Variants in CACNA1B observed in about 807,000 individuals in gnomAD.
The protein encoded by CACNA1B is calcium voltage-gated channel subunit alpha1 B.
In CACNA1B, 70 loss-of-function variants were observed where a neutral mutation model predicts 247.2. The ratio of observed to expected loss-of-function variants is 0.28; its 90% CI spans 0.23 to 0.35. The LOEUF is 0.35. Ranked by LOEUF, CACNA1B falls within the 10% of genes least tolerant of loss-of-function variation. The pLI is 1.00. For synonymous variants in CACNA1B, 1,231 were observed against 1,294.4 expected, an observed-to-expected ratio of 0.95 and a Z score of 1.05; for missense variants, 2,367 against 3,197.4, an observed-to-expected ratio of 0.74 and a Z score of 6.26.
chr9:137,978,153 T>C (rs2133373594), intron 12 of CACNA1B, among the ~76,000 whole-genome samples: 4 of 99,540 alleles, frequency 4.0e-5, no homozygotes, highest in South Asian at 3.6e-4. Flanking sequence ...GTGGGAGCAC[T>C]ACTTCCCCCC....
In CACNA1B at chr9:138,050,447, T is replaced by G. The variant is rs1003660054; in HGVS notation, c.3710+1132T>G. 6.6e-6 allele frequency among the ~76,000 whole-genome samples: 1 copy of G among 152,216 alleles called. No homozygotes were observed. ...CGGGGACATCGCGAGGCGCTCCCGG[T>G]GCAGCTCCTCTCTGGAAGAGCGGCA... On this transcript the variant is annotated intron_variant, in intron 24 of 46. Coordinates refer to ENST00000371372, the MANE Select transcript of CACNA1B (RefSeq NM_000718.4). This position sits in a 1 kb window ranked among gnomAD's most constrained non-coding sequence, Gnocchi z 5.2.
At chr9:137,997,890 C>T (rs555448677) in intron 15 of CACNA1B, among the ~76,000 whole-genome samples, 1 of 152,310 alleles carries the variant, frequency 6.6e-6, no homozygotes, top group Non-Finnish European at 1.5e-5. Flanking sequence ...CCTGCATGTT[C>T]ACCATCAGGG....
intron 18 of CACNA1B, chr9:138,017,106 C>G (rs146187189): frequency 2.5e-5 from 13 of 518,406 alleles, no homozygotes; most frequent in Admixed American, 1.9e-4. Context: ...CTGGTTTTCT[C>G]ACTTCTGTCT....
At chr9:138,120,473 A>G (rs528236916) in intron 45 of CACNA1B, 101 bp downstream of exon 45, 319 of 1,396,776 alleles carry the variant, frequency 2.3e-4, no homozygotes, top group Non-Finnish European at 2.7e-4. Flanking sequence ...GGGCCTCGTG[A>G]CCCCATAACC....
chr9:138,120,300 T>C lies in CACNA1B; in HGVS notation c.6166T>C (p.Cys2056Arg), dbSNP rs1384904827. 2.6e-6 allele frequency: 4 copies of C among 1,563,660 alleles called. No individual in the cohort carries two copies. The highest frequency in any genetic ancestry group is 3.5e-6 in the Non-Finnish European group (4 of 1,157,096). ...GTCGTCGCACCACCACCACCACCGC[T>C]GCCACCGCCGCAGGGACAGGAAGCA... ...QASSHHHHHR[C>R]HRRRDRKQRS... Residue 2056 changes from cysteine (C) to arginine (R), a missense_variant, in exon 45 of 47, where the codon TGC becomes CGC. Cys to Arg is a radical substitution (Grantham distance 180). This residue lies in a region of CACNA1B where 773 missense variants were observed against 779.4 expected (regional missense o/e 0.99). Transcript: ENST00000371372.
At chr9:138,033,611 G>A (rs1240873334) in intron 20 of CACNA1B, among the ~76,000 whole-genome samples, 3 of 152,118 alleles carry the variant, frequency 2.0e-5, no homozygotes, top group Non-Finnish European at 4.4e-5. Flanking sequence ...CCTGAGACCA[G>A]GTAATTTATA....
intron 23 of CACNA1B, 21 bp downstream of exon 23, chr9:138,047,479 T>C (rs1307840751): frequency 1.3e-6 from 2 of 1,581,994 alleles, no homozygotes. Context: ...TGGCTGCCCT[T>C]GTGACCCCAG....
Position 137,959,292 on chromosome 9 carries a change from C to T in CACNA1B, c.1333+1605C>T, listed in dbSNP as rs113736400. Among the ~76,000 whole-genome samples, 1,215 of 152,252 alleles carry T rather than the reference C, an allele frequency of 8.0e-3. 6 individuals are homozygous for T. The highest frequency in any genetic ancestry group is 0.012 in the South Asian group (59 of 4,822). On this transcript the variant is annotated intron_variant, in intron 10 of 46. Transcript: ENST00000371372. ...TTCACCGTGTTGGCCTGGCTGTTCT[C>T]GAACTCCTGACCTCAGGTGATCTAC...
chr9:138,022,266 C>T (rs1170564400), intron 18 of CACNA1B, among the ~76,000 whole-genome samples: 3 of 152,150 alleles, frequency 2.0e-5, no homozygotes, highest in Admixed American at 1.3e-4. Flanking sequence ...TTGGTGGCCA[C>T]GGGAGGTGGC....
rs1222480441 is a variant in CACNA1B at position 137,990,385 on chromosome 9, A to G, written c.1974+3531A>G. Among the ~76,000 whole-genome samples, 1 of 152,004 alleles carries G rather than the reference A, an allele frequency of 6.6e-6. No individual in the cohort carries two copies. The highest frequency in any genetic ancestry group is 1.5e-5 in the Non-Finnish European group (1 of 67,990). ...TCTCTACCCACCCTGATGGCCGAAG[A>G]CAAAGGTTATAATCTCCTGGGGGCT... On this transcript the variant is annotated intron_variant, in intron 15 of 46. Transcript: ENST00000371372. This position sits in a 1 kb window ranked among gnomAD's most constrained non-coding sequence, Gnocchi z 4.5.
chr9:138,117,622 G>A (rs935826062), intron 42 of CACNA1B, among the ~76,000 whole-genome samples: 4 of 152,312 alleles, frequency 2.6e-5, no homozygotes, highest in African/African-American at 4.8e-5. Context: ...AGCGGGTGAC[G>A]GACCCAGGCC....
At chr9:138,112,614 G>C in intron 40 of CACNA1B, 109 bp downstream of exon 40, 2 of 730,048 alleles carry the variant, frequency 2.7e-6, no homozygotes, top group Non-Finnish European at 4.9e-6. Flanking sequence ...GGCCACCTTG[G>C]AGAGGTGGGC....
Position 138,100,996 on chromosome 9 carries a change from C to T in CACNA1B, c.5223-1715C>T, listed in dbSNP as rs1014054261. On this transcript the variant is annotated intron_variant, in intron 37 of 46. Transcript: ENST00000371372. The surrounding 1 kb of genome is among the most constrained non-coding windows in gnomAD (Gnocchi z 4.6). ...ACCTGTCCAGTGCACCCCTCACCTCCGCCGCCACGCCTGCGCGAGGTCGGT... is the reference window on the plus strand; with the variant it reads ...ACCTGTCCAGTGCACCCCTCACCTCTGCCGCCACGCCTGCGCGAGGTCGGT... 9.1e-6 allele frequency: 4 copies of T among 438,450 alleles called. No individual in the cohort carries two copies. The highest frequency in any genetic ancestry group is 2.0e-5 in the African/African-American group (1 of 49,748). The allele number at this position is 438,450 out of a possible 1,614,324, so 27.2% of individuals were successfully genotyped here. A position where few individuals can be genotyped will look rare whatever the true frequency, so the allele number is the denominator to read the frequency against.
At position 137,913,589 on chromosome 9, in the gene CACNA1B, T is replaced by C. The variant is rs1201534999; in HGVS notation, c.622+318T>C. Reference sequence around the variant, plus strand: ...TGAGGGTAAAGAATGGATGAGAGGTTGACCAAGGTGGTGGGGAAGGATGCC... The same window carrying C: ...TGAGGGTAAAGAATGGATGAGAGGTCGACCAAGGTGGTGGGGAAGGATGCC... On this transcript the variant is annotated intron_variant, in intron 4 of 46. Transcript: ENST00000371372. This position sits in a 1 kb window ranked among gnomAD's most constrained non-coding sequence, Gnocchi z 5.2. Among the ~76,000 whole-genome samples, 3 of 152,210 alleles carry C rather than the reference T, an allele frequency of 2.0e-5. No individual in the cohort carries two copies. The highest frequency in any genetic ancestry group is 7.2e-5 in the African/African-American group (3 of 41,454).
At position 138,058,944 on chromosome 9, in the gene CACNA1B, G is replaced by T. The variant is rs1453105475; in HGVS notation, c.4474-135G>T. ...TGGGGAGGTTCTGGGAGGACTCGGG[G>T]AGAGCAGGAAGGGGTGTCCCAGGCC... On this transcript the variant is annotated intron_variant, in intron 29 of 46. Coordinates refer to ENST00000371372, the MANE Select transcript of CACNA1B (RefSeq NM_000718.4). This position sits in a 1 kb window ranked among gnomAD's most constrained non-coding sequence, Gnocchi z 4.7. The T allele has an allele frequency of 1.5e-5, 11 of 713,770 alleles. No homozygotes were observed. The East Asian group carries it at 3.0e-4, about 19-fold the overall frequency. The allele number at this position is 713,770 out of a possible 1,614,324, so 44.2% of individuals were successfully genotyped here. A position where few individuals can be genotyped will look rare whatever the true frequency, so the allele number is the denominator to read the frequency against.
chr9:137,942,379 A>G (rs1048805187), intron 6 of CACNA1B, among the ~76,000 whole-genome samples: 1 of 152,234 alleles, frequency 6.6e-6, no homozygotes, highest in African/African-American at 2.4e-5. Flanking sequence ...GCTGGTGGGA[A>G]TGTAAACTAG....
rs1239371758 is a variant in CACNA1B at position 137,986,935 on chromosome 9, T to G, written c.1974+81T>G. 7.9e-6 allele frequency: 8 copies of G among 1,007,716 alleles called. No homozygotes were observed. The highest frequency in any genetic ancestry group is 1.3e-5 in the Non-Finnish European group (8 of 632,088). 62.4% of individuals were successfully genotyped at this position (1,007,716 alleles called of 1,614,324 possible). ...GCTGGGAAGGCGGACTCTCCTGTCA[T>G]TCCCTCCCTTGTTCCTCCACACGGC... is the stretch of plus-strand genomic sequence containing the variant. On this transcript the variant is annotated intron_variant, in intron 15 of 46. Transcript: ENST00000371372. This position sits in a 1 kb window ranked among gnomAD's most constrained non-coding sequence, Gnocchi z 6.0.
intron 6 of CACNA1B, among the ~76,000 whole-genome samples, chr9:137,931,937 C>T (rs1564195268): frequency 6.6e-6 from 1 of 152,180 alleles, no homozygotes; most frequent in African/African-American, 2.4e-5. Flanking sequence ...AGCCCCATGA[C>T]TCAGACAGCT....
intron 3 of CACNA1B, among the ~76,000 whole-genome samples, chr9:137,894,369 T>G (rs1957147576): frequency 6.6e-6 from 1 of 151,222 alleles, no homozygotes; most frequent in African/African-American, 2.4e-5. Flanking sequence ...TGATCTGCAT[T>G]TCCATGATAT....
Sources: gnomAD v4.1 joint callset for allele counts (sites outside exome capture counted in the v4.1 genomes callset) on GRCh38, gnomAD v4.1.1 for gene constraint, gnomAD v4.1.1 regional missense constraint, Gnocchi (gnomAD v3.1) non-coding constraint, MANE v1.5 for transcripts, NCBI Gene and HGNC (gene_info 2026-07-23, HGNC 2026-07-21) for gene names.